BCKDHB: variants seen among roughly 807,000 people sequenced by gnomAD.
BCKDHB encodes the protein 2-oxoisovalerate dehydrogenase subunit beta, mitochondrial.
In BCKDHB, 41 loss-of-function variants were observed where a neutral mutation model predicts 48.5. The ratio of observed to expected loss-of-function variants is 0.85; its 90% CI spans 0.66 to 1.10. The LOEUF (loss-of-function observed/expected upper bound fraction) is 1.10. Among genes scored for constraint, BCKDHB ranks in the 50% least tolerant of loss-of-function variants. The pLI is 0.00. For synonymous variants in BCKDHB, 201 were observed against 174.8 expected, an observed-to-expected ratio of 1.15 and a Z score of -1.18; for missense variants, 496 against 494.2, an observed-to-expected ratio of 1.00 and a Z score of -0.03.
chr6:80,288,077 T>C (rs1766715108), intron 9 of BCKDHB, among the ~76,000 whole-genome samples: 1 of 151,172 alleles, frequency 6.6e-6, no homozygotes, highest in South Asian at 2.2e-4. Flanking sequence ...CAATGATTCC[T>C]AAATAACTTA....
intron 1 of BCKDHB, among the ~76,000 whole-genome samples, chr6:80,116,619 A>G (rs556672429): frequency 7.9e-5 from 12 of 152,236 alleles, no homozygotes; most frequent in African/African-American, 2.7e-4. Context: ...TACAATTTCA[A>G]TTAAACAACT....
At chr6:80,263,712 G>T (rs1700629407) in intron 8 of BCKDHB, among the ~76,000 whole-genome samples, 1 of 152,140 alleles carries the variant, frequency 6.6e-6, no homozygotes, top group Admixed American at 6.6e-5. Flanking sequence ...GCATGACCTT[G>T]GTAGACAACC....
the BCKDHB span, among the ~76,000 whole-genome samples, chr6:80,461,772 A>C: frequency 6.6e-6 from 1 of 152,020 alleles, no homozygotes; most frequent in Non-Finnish European, 1.5e-5. Context: ...TCCTGGAATA[A>C]TCTCTTTGTT....
At chr6:80,449,604 C>T in the BCKDHB span, among the ~76,000 whole-genome samples, 4 of 152,296 alleles carry the variant, frequency 2.6e-5, no homozygotes, top group South Asian at 8.3e-4. Context: ...CTTGATTAGA[C>T]TCAAGTTAAT....
chr6:80,184,189 CATT>C (rs2127795511), intron 6 of BCKDHB, among the ~76,000 whole-genome samples: 1 of 152,224 alleles, frequency 6.6e-6, no homozygotes, highest in South Asian at 2.1e-4. Context: ...GTCCTTTTAT[CATT>C]ATGTAATATC....
chr6:80,272,475 A>C (rs1777787917), intron 8 of BCKDHB, among the ~76,000 whole-genome samples: 1 of 152,154 alleles, frequency 6.6e-6, no homozygotes. Context: ...TATCATTGCT[A>C]TACTTTTTTA....
At chr6:80,418,835 C>A in the BCKDHB span, among the ~76,000 whole-genome samples, 20 of 152,302 alleles carry the variant, frequency 1.3e-4, no homozygotes, top group African/African-American at 4.8e-4. Context: ...TCCTGCCTCT[C>A]TGTGGGTGTT....
chr6:80,436,173 T>TTA, the BCKDHB span, among the ~76,000 whole-genome samples: 1 of 136,404 alleles, frequency 7.3e-6, no homozygotes, highest in Non-Finnish European at 1.5e-5. Context: ...TTTTTTTTTT[T>TTA]GGCGGAGTCT....
the BCKDHB span, among the ~76,000 whole-genome samples, chr6:80,423,198 A>G: frequency 2.6e-5 from 4 of 151,524 alleles, no homozygotes; most frequent in Non-Finnish European, 5.9e-5. Flanking sequence ...CTCTCTCTCT[A>G]TCCTGCCACC....
At chr6:80,456,577 T>C in the BCKDHB span, among the ~76,000 whole-genome samples, 1 of 152,212 alleles carries the variant, frequency 6.6e-6, no homozygotes, top group Non-Finnish European at 1.5e-5. Flanking sequence ...GCCTTCAAGA[T>C]TCAAAGTAAA....
At chr6:80,368,643 G>T in the BCKDHB span, among the ~76,000 whole-genome samples, 1 of 151,958 alleles carries the variant, frequency 6.6e-6, no homozygotes. Flanking sequence ...TCACAACTTT[G>T]CTTTTCAGTT....
At chr6:80,244,473 C>A (rs971617372) in intron 8 of BCKDHB, among the ~76,000 whole-genome samples, 1 of 152,146 alleles carries the variant, frequency 6.6e-6, no homozygotes, top group Non-Finnish European at 1.5e-5. Context: ...AAAAAAATAA[C>A]ACAGTTAAAA....
chr6:80,242,413 A>C (rs1776426408), intron 8 of BCKDHB, among the ~76,000 whole-genome samples: 1 of 152,172 alleles, frequency 6.6e-6, no homozygotes, highest in Non-Finnish European at 1.5e-5. Context: ...ATAAATTTGA[A>C]TATCTGATAG....
At chr6:80,450,043 A>T in the BCKDHB span, among the ~76,000 whole-genome samples, 1 of 152,154 alleles carries the variant, frequency 6.6e-6, no homozygotes, top group Non-Finnish European at 1.5e-5. Flanking sequence ...TGCAGTCAAT[A>T]GTCTTCTTGG....
the BCKDHB span, among the ~76,000 whole-genome samples, chr6:80,391,595 T>C: frequency 6.6e-6 from 1 of 152,200 alleles, no homozygotes; most frequent in Non-Finnish European, 1.5e-5. Flanking sequence ...GCTGACACCT[T>C]AATTTTGGAC....
chr6:80,190,856 C>T (rs185836089), intron 6 of BCKDHB, among the ~76,000 whole-genome samples: 89 of 152,240 alleles, frequency 5.8e-4, no homozygotes, highest in Non-Finnish European at 1.0e-3. Flanking sequence ...GTAGAAAGGA[C>T]GCCACTGAGG....
Position 80,140,045 on chromosome 6 carries a change from T to A in BCKDHB, c.343+10816T>A, listed in dbSNP as rs1360020403. ...TTCCCTTGTAAGGTGGATTCCTAAGTATTTTATTCTCTTTGAAGCAATTGT... is the reference window on the plus strand; with the variant it reads ...TTCCCTTGTAAGGTGGATTCCTAAGAATTTTATTCTCTTTGAAGCAATTGT... On this transcript the variant is annotated intron_variant, in intron 3 of 9. Transcript: ENST00000320393. Among the ~76,000 whole-genome samples the A allele has an allele frequency of 1.7e-3, 262 of 152,272 alleles. 1 individual carries two copies. The highest frequency in any genetic ancestry group is 6.0e-3 in the African/African-American group (248 of 41,534).
the BCKDHB span, among the ~76,000 whole-genome samples, chr6:80,413,482 G>T: frequency 6.6e-6 from 1 of 152,076 alleles, no homozygotes; most frequent in Non-Finnish European, 1.5e-5. Flanking sequence ...TCCAGTGTGT[G>T]TTGTTCTCCT....
intron 6 of BCKDHB, among the ~76,000 whole-genome samples, chr6:80,194,794 T>A (rs975047443): frequency 9.2e-5 from 14 of 152,194 alleles, no homozygotes; most frequent in African/African-American, 3.4e-4. Flanking sequence ...TGCAGCTAAT[T>A]ATATTTATTT....
Sources: gnomAD v4.1 joint callset for allele counts (sites outside exome capture counted in the v4.1 genomes callset) on GRCh38, gnomAD v4.1.1 for gene constraint, MANE v1.5 for transcripts, NCBI Gene and HGNC (gene_info 2026-07-23, HGNC 2026-07-21) for gene names.